The following TMTC1 variants were observed in gnomAD, a reference collection of about 807,000 sequenced individuals.
TMTC1 encodes the protein transmembrane O-mannosyltransferase targeting cadherins 1, also known as protein O-mannosyl-transferase TMTC1.
A neutral mutation model predicts 104.8 loss-of-function variants in TMTC1; 73 were observed. The observed-to-expected ratio is 0.70, with a 90% CI of 0.58 to 0.85. The LOEUF is 0.85. TMTC1 is among the 40% of genes least tolerant of loss of function. The probability of loss-of-function intolerance (pLI) is 0.00; values close to 1 mark genes in which losing one functional copy is unlikely to be tolerated. For synonymous variants in TMTC1, 434 were observed against 428.7 expected, an observed-to-expected ratio of 1.01 and a Z score of -0.15; for missense variants, 1,035 against 1,096.1, an observed-to-expected ratio of 0.94 and a Z score of 0.79.
In TMTC1 at chr12:29,572,165, T is replaced by C. The variant is rs925233969; in HGVS notation, c.1472A>G (p.Asn491Ser). The C allele has an allele frequency of 2.5e-6, 4 of 1,614,026 alleles. No homozygotes were observed. Among genetic ancestry groups the C allele is most frequent in the Non-Finnish European group, 3.4e-6 (4 of 1,179,894 alleles). The change falls in exon 9 of 18, where the codon AAT (asparagine) becomes AGT (serine). Residue 491 changes from asparagine (N) to serine (S), a missense_variant. By Grantham distance (46) the Asn-to-Ser change is conservative. Coordinates refer to ENST00000539277, the MANE Select transcript of TMTC1 (RefSeq NM_001193451.2). ...HNAKVHYNYA[N>S]FLKDQGRNKE... ...GTTCCGACCTTGGTCCTTCAGGAAATTGGCATAGTTGTAGTGAACCTTGGC... is the reference window on the plus strand; with the variant it reads ...GTTCCGACCTTGGTCCTTCAGGAAACTGGCATAGTTGTAGTGAACCTTGGC...
At position 29,512,129 on chromosome 12, in the gene TMTC1, A is replaced by G. The variant is rs1943857264; in HGVS notation, c.2431-9T>C. 1 of 1,601,142 alleles carries G rather than the reference A, an allele frequency of 6.2e-7. No individual in the cohort carries two copies. The highest frequency in any genetic ancestry group is 8.5e-7 in the Non-Finnish European group (1 of 1,174,282). ...ACAGCCACTCTATAGCTCTAAATAA[A>G]TAAGAAATATCCTCAGGTTAGGAAA... On this transcript the variant is annotated splice_polypyrimidine_tract_variant and intron_variant, in intron 16 of 17. Transcript: ENST00000539277.
chr12:29,626,454 G>A (rs1937998433), intron 6 of TMTC1, among the ~76,000 whole-genome samples: 1 of 152,128 alleles, frequency 6.6e-6, no homozygotes, highest in Non-Finnish European at 1.5e-5. Context: ...GTTTCTTAAG[G>A]ATGGTTATTT....
chr12:29,680,247 T>C (rs554578935), intron 5 of TMTC1, among the ~76,000 whole-genome samples: 144 of 142,024 alleles, frequency 1.0e-3, no homozygotes, highest in African/African-American at 3.4e-3. Context: ...TAAAAGATAA[T>C]TGATTTTGAC....
intron 5 of TMTC1, among the ~76,000 whole-genome samples, chr12:29,725,014 C>CTT (rs869135481): frequency 5.8e-4 from 52 of 90,392 alleles, no homozygotes; most frequent in African/African-American, 1.8e-3. Flanking sequence ...CTGCCAAGTT[C>CTT]TTTTTTTTTT....
chr12:29,637,263 A>G (rs1938608244), intron 5 of TMTC1, among the ~76,000 whole-genome samples: 1 of 152,234 alleles, frequency 6.6e-6, no homozygotes, highest in Admixed American at 6.5e-5. Flanking sequence ...TTCTTTCACT[A>G]TGAATTACAT....
At chr12:29,622,015 C>A (rs1052633988) in intron 6 of TMTC1, among the ~76,000 whole-genome samples, 6 of 152,090 alleles carry the variant, frequency 3.9e-5, no homozygotes, top group African/African-American at 1.4e-4. Context: ...GGTTGCTAAA[C>A]TATCACCCTA....
chr12:29,527,082 T>C (rs778447420), intron 11 of TMTC1, among the ~76,000 whole-genome samples: 1 of 152,168 alleles, frequency 6.6e-6, no homozygotes, highest in Non-Finnish European at 1.5e-5. Flanking sequence ...CAACTTGAAA[T>C]TTGATTTAAG....
intron 9 of TMTC1, among the ~76,000 whole-genome samples, chr12:29,569,874 C>A (rs1292854938): frequency 6.6e-6 from 1 of 152,122 alleles, no homozygotes; most frequent in Non-Finnish European, 1.5e-5. Flanking sequence ...ATATTTCTTC[C>A]AGAAGCACAG....
intron 11 of TMTC1, among the ~76,000 whole-genome samples, chr12:29,527,119 G>A (rs1468613703): frequency 1.3e-5 from 2 of 152,100 alleles, no homozygotes; most frequent in African/African-American, 4.8e-5. Flanking sequence ...ATATGTCAAA[G>A]GTTTAAAACA....
chr12:29,782,779 G>A (rs1943864033), intron 1 of TMTC1: 1 of 152,178 alleles, frequency 6.6e-6, no homozygotes, highest in African/African-American at 2.4e-5. Context: ...GGGGCCCCAG[G>A]GTCCCTGGAG....
At chr12:29,683,149 C>G (rs1168784577) in intron 5 of TMTC1, among the ~76,000 whole-genome samples, 1 of 152,182 alleles carries the variant, frequency 6.6e-6, no homozygotes, top group Non-Finnish European at 1.5e-5. Context: ...GATATTAAAA[C>G]ATAGATTCAA....
rs1016626678 is a variant in TMTC1 at position 29,505,897 on chromosome 12, G to T, written c.*949C>A. 6.6e-6 allele frequency: 1 copy of T among 151,804 alleles called. No individual in the cohort carries two copies. The highest frequency in any genetic ancestry group is 6.6e-5 in the Admixed American group (1 of 15,230). 9.4% of individuals were successfully genotyped at this position (151,804 alleles called of 1,614,324 possible). A position where few individuals can be genotyped will look rare whatever the true frequency, so the allele number is the denominator to read the frequency against. ...AAGATTTCTGTGATACATCATAAAG[G>T]TTCCTCAATGGTTCAATATATTTTT... On this transcript the variant is annotated 3_prime_UTR_variant, in exon 18 of 18. Transcript: ENST00000539277.
At position 29,541,868 on chromosome 12, in the gene TMTC1, A is replaced by G. The variant is rs1944809705; in HGVS notation, c.1677-5551T>C. ...GAGACGGTGTTTCACCATGTTGGCC[A>G]GGATGATCTCAATCTCTTGACCTCG... On this transcript the variant is annotated intron_variant, in intron 10 of 17. Coordinates refer to ENST00000539277, the MANE Select transcript of TMTC1 (RefSeq NM_001193451.2). 4.6e-5 allele frequency among the ~76,000 whole-genome samples: 7 copies of G among 152,228 alleles called. No individual in the cohort carries two copies. The South Asian group carries it at 1.5e-3, about 32-fold the overall frequency.
At chr12:29,617,405 T>G (rs1947012316) in intron 6 of TMTC1, among the ~76,000 whole-genome samples, 1 of 152,116 alleles carries the variant, frequency 6.6e-6, no homozygotes, top group Non-Finnish European at 1.5e-5. Flanking sequence ...AAAAAGATAG[T>G]CTCTTTGGGC....
In TMTC1 at chr12:29,553,677, A is replaced by G. The variant is rs372657075; in HGVS notation, c.1676+3180T>C. Among the ~76,000 whole-genome samples, 210 of 152,342 alleles carry G rather than the reference A, an allele frequency of 1.4e-3. 1 individual carries two copies. Among genetic ancestry groups the G allele is most frequent in the African/African-American group, 4.8e-3 (199 of 41,574 alleles). On this transcript the variant is annotated intron_variant, in intron 10 of 17. Transcript: ENST00000539277. The stretch of plus-strand genomic sequence containing the variant: ...GAATTGATTTTTACTGAAAAAGAGA[A>G]GGGGTAAAAAATCCTGTGTTGGTTA...
intron 5 of TMTC1, among the ~76,000 whole-genome samples, chr12:29,733,211 T>C (rs187314933): frequency 6.6e-6 from 1 of 152,302 alleles, no homozygotes; most frequent in Admixed American, 6.5e-5. Flanking sequence ...TAGTCTCATT[T>C]TGCCCATAAG....
At chr12:29,704,869 C>T (rs1001850814) in intron 5 of TMTC1, among the ~76,000 whole-genome samples, 32 of 152,192 alleles carry the variant, frequency 2.1e-4, no homozygotes, top group African/African-American at 7.7e-4. Flanking sequence ...CTCTGGGCCT[C>T]TCACTTTTAG....
intron 5 of TMTC1, among the ~76,000 whole-genome samples, chr12:29,644,074 G>GAAT (rs1939135335): frequency 5.6e-5 from 2 of 35,902 alleles, no homozygotes; most frequent in African/African-American, 2.1e-4. Flanking sequence ...ATAATTTATA[G>GAAT]ATAAATATAA....
chr12:29,591,608 C>G (rs1946282963), intron 7 of TMTC1, among the ~76,000 whole-genome samples: 1 of 152,206 alleles, frequency 6.6e-6, no homozygotes, highest in Admixed American at 6.5e-5. Flanking sequence ...ATGTAGCGAT[C>G]TGACACTCAG....
Sources: allele counts gnomAD v4.1 joint callset (sites outside exome capture counted in the v4.1 genomes callset), GRCh38; gene constraint gnomAD v4.1.1; transcripts MANE v1.5; gene names NCBI Gene and HGNC (gene_info 2026-07-23, HGNC 2026-07-21).